The following MFHAS1 variants were observed in gnomAD, a reference collection of about 807,000 sequenced individuals.
The protein encoded by MFHAS1 is malignant fibrous histiocytoma-amplified sequence 1.
MFHAS1 carries 50 observed loss-of-function variants against 70.4 expected under a neutral mutation model. The ratio of observed to expected loss-of-function variants is 0.71; its 90% CI spans 0.57 to 0.90. The LOEUF (loss-of-function observed/expected upper bound fraction) is 0.90. Among genes scored for constraint, MFHAS1 ranks in the 40% least tolerant of loss-of-function variants. MFHAS1 has a pLI of 0.00. For missense variants in MFHAS1, 1,795 were observed against 1,347.6 expected (o/e 1.33, Z -5.20); for synonymous variants, 952 against 620.0 (o/e 1.54, Z -7.96).
chr8:8,788,932 G>C (rs947523214), intron 2 of MFHAS1, among the ~76,000 whole-genome samples: 3 of 152,166 alleles, frequency 2.0e-5, no homozygotes, highest in African/African-American at 7.2e-5. Context: ...GATTGTGCAG[G>C]GCCTTGTGAG....
chr8:8,814,716 G>C (rs1052749159), intron 1 of MFHAS1, among the ~76,000 whole-genome samples: 2 of 152,082 alleles, frequency 1.3e-5, no homozygotes, highest in Admixed American at 6.5e-5. Flanking sequence ...TTTTAAATGG[G>C]TAAAGTTCTA....
At position 8,881,146 on chromosome 8, in the gene MFHAS1, A is replaced by G. The variant is rs143127244; in HGVS notation, c.2998+8915T>C. On this transcript the variant is annotated intron_variant, in intron 1 of 2. Coordinates refer to ENST00000276282, the MANE Select transcript of MFHAS1 (RefSeq NM_004225.3). ...TTCTATAAATTTACAGCAAAAGAAA[A>G]AAACTTGTTGGTGATAGCTTTTCAT... Among the ~76,000 whole-genome samples, 406 of 152,366 alleles carry G rather than the reference A, an allele frequency of 2.7e-3. 2 individuals carry two copies. Among genetic ancestry groups the G allele is most frequent in the African/African-American group, 9.4e-3 (391 of 41,588 alleles).
intron 1 of MFHAS1, among the ~76,000 whole-genome samples, chr8:8,854,923 T>C (rs147506643): frequency 4.1e-3 from 628 of 152,232 alleles, no homozygotes; most frequent in African/African-American, 0.014. Context: ...TGTTTCTTTG[T>C]TTTTGATACA....
chr8:8,825,100 C>T (rs1162795220), intron 1 of MFHAS1, among the ~76,000 whole-genome samples: 2 of 152,172 alleles, frequency 1.3e-5, no homozygotes, highest in Non-Finnish European at 2.9e-5. Flanking sequence ...TGTAAAGGGA[C>T]AGAAGACTGC....
chr8:8,867,404 C>A (rs1000376115), intron 1 of MFHAS1, among the ~76,000 whole-genome samples: 8 of 152,004 alleles, frequency 5.3e-5, no homozygotes, highest in Non-Finnish European at 7.4e-5. Context: ...AAAGGAGGCC[C>A]ATAGGTACTT....
rs141564580 is a variant in MFHAS1 at position 8,858,034 on chromosome 8, C to T, written c.2998+32027G>A. Among the ~76,000 whole-genome samples the T allele has an allele frequency of 2.4e-3, 362 of 152,300 alleles. 1 individual carries two copies. The highest frequency in any genetic ancestry group is 3.3e-3 in the Non-Finnish European group (226 of 68,030). ...AAAACAAAATGCTCTGAGACAATGACTGGTGTTCACTGATCTGGGTCATTT... is the reference window on the plus strand; with the variant it reads ...AAAACAAAATGCTCTGAGACAATGATTGGTGTTCACTGATCTGGGTCATTT... On this transcript the variant is annotated intron_variant, in intron 1 of 2. Transcript: ENST00000276282.
At chr8:8,835,029 G>T (rs1333071686) in intron 1 of MFHAS1, among the ~76,000 whole-genome samples, 2 of 152,102 alleles carry the variant, frequency 1.3e-5, no homozygotes, top group Admixed American at 1.3e-4. Context: ...AAGGAAGTTT[G>T]CAAACCTCTA....
chr8:8,853,347 A>T (rs1232311969), intron 1 of MFHAS1, among the ~76,000 whole-genome samples: 1 of 152,030 alleles, frequency 6.6e-6, no homozygotes, highest in East Asian at 1.9e-4. Context: ...AGGAGCAACC[A>T]GAAATAGCAG....
At position 8,814,492 on chromosome 8, in the gene MFHAS1, T is replaced by G. The variant is rs541198776; in HGVS notation, c.2999-17001A>C. ...CCAAGGGTGCGTTTCTCAGAACATA[T>G]GCAAATTGTTAAGCAAGGAATGACT... On this transcript the variant is annotated intron_variant, in intron 1 of 2. Transcript: ENST00000276282. Among the ~76,000 whole-genome samples the G allele has an allele frequency of 6.6e-5, 10 of 152,314 alleles. No individual in the cohort carries two copies. The South Asian group carries it at 2.1e-3, about 32-fold the overall frequency.
chr8:8,872,318 T>TC (rs1033051239), intron 1 of MFHAS1, among the ~76,000 whole-genome samples: 2 of 152,054 alleles, frequency 1.3e-5, no homozygotes, highest in African/African-American at 4.8e-5. Flanking sequence ...TCGATGGAAA[T>TC]CCCCCCATGA....
chr8:8,873,335 TAAAGACCA>T lies in MFHAS1; in HGVS notation c.2998+16718_2998+16725del, dbSNP rs1809160840. Among the ~76,000 whole-genome samples, 3 of 152,148 alleles carry T rather than the reference TAAAGACCA, an allele frequency of 2.0e-5. No homozygotes were observed. In the South Asian group the frequency reaches 6.2e-4, roughly 32 times the overall value. On this transcript the variant is annotated intron_variant, in intron 1 of 2. Coordinates refer to ENST00000276282, the MANE Select transcript of MFHAS1 (RefSeq NM_004225.3). Reference sequence around the variant, plus strand: ...GCAGTTAGCATGAAATGAAGGATTTTAAAGACCAAACACTTCAATGAGTCCTGTGAAAA... The same window carrying T: ...GCAGTTAGCATGAAATGAAGGATTTTAACACTTCAATGAGTCCTGTGAAAA...
chr8:8,840,127 A>AC (rs1365116000), intron 1 of MFHAS1, among the ~76,000 whole-genome samples: 2 of 152,110 alleles, frequency 1.3e-5, no homozygotes, highest in East Asian at 3.8e-4. Flanking sequence ...CACTGCCACT[A>AC]CCTCATTATT....
At chr8:8,790,910 C>T (rs1479912315) in intron 2 of MFHAS1, among the ~76,000 whole-genome samples, 1 of 152,058 alleles carries the variant, frequency 6.6e-6, no homozygotes, top group Non-Finnish European at 1.5e-5. Flanking sequence ...AAAGTAACCA[C>T]GGTACTTCTG....
At chr8:8,869,903 G>T (rs186219548) in intron 1 of MFHAS1, among the ~76,000 whole-genome samples, 2 of 152,036 alleles carry the variant, frequency 1.3e-5, no homozygotes, top group African/African-American at 4.8e-5. Context: ...CTACCTGGGG[G>T]CCTCTATTGT....
chr8:8,886,827 C>T (rs892128572), intron 1 of MFHAS1, among the ~76,000 whole-genome samples: 24 of 152,130 alleles, frequency 1.6e-4, no homozygotes, highest in Non-Finnish European at 2.8e-4. Context: ...AAAATGACTT[C>T]TTAAAAAGAC....
At chr8:8,826,329 G>A (rs1308142637) in intron 1 of MFHAS1, among the ~76,000 whole-genome samples, 1 of 151,618 alleles carries the variant, frequency 6.6e-6, no homozygotes, top group African/African-American at 2.4e-5. Context: ...CATATTCACA[G>A]AACTCTGGAT....
chr8:8,792,241 C>CAAAACAAAACAAAACAAAAAACA (rs151069606), intron 2 of MFHAS1, among the ~76,000 whole-genome samples: 1 of 150,310 alleles, frequency 6.7e-6, no homozygotes, highest in African/African-American at 2.4e-5. Flanking sequence ...TGTCCCAAAA[C>CAAAACAAAACAAAACAAAAAACA]AAAAGCTCAG....
In MFHAS1 at chr8:8,786,010, C is replaced by T. The variant is rs1481253435; in HGVS notation, c.*12G>A. 3 of 1,614,086 alleles carry T rather than the reference C, an allele frequency of 1.9e-6. No individual in the cohort carries two copies. Among genetic ancestry groups the T allele is most frequent in the Admixed American group, 1.7e-5 (1 of 60,016 alleles). On this transcript the variant is annotated 3_prime_UTR_variant, in exon 3 of 3. Coordinates refer to ENST00000276282, the MANE Select transcript of MFHAS1 (RefSeq NM_004225.3). Reference sequence around the variant, plus strand: ...CTCTCTTTTCTCCATGGAAATTCCACAGCCACAAACGTCACTGGTTTCTGT... The same window carrying T: ...CTCTCTTTTCTCCATGGAAATTCCATAGCCACAAACGTCACTGGTTTCTGT...
At chr8:8,841,984 A>G (rs2116855128) in intron 1 of MFHAS1, among the ~76,000 whole-genome samples, 1 of 152,336 alleles carries the variant, frequency 6.6e-6, no homozygotes, top group Admixed American at 6.5e-5. Context: ...GCATGCAGTT[A>G]AAAATAATCA....
Sources: allele counts gnomAD v4.1 joint callset (sites outside exome capture counted in the v4.1 genomes callset), GRCh38; gene constraint gnomAD v4.1.1; transcripts MANE v1.5; gene names NCBI Gene and HGNC (gene_info 2026-07-23, HGNC 2026-07-21).